The following DMD variants were observed in gnomAD, a reference collection of about 807,000 sequenced individuals.
DMD encodes the protein mutant dystrophin.
Under a neutral mutation model 330.1 loss-of-function variants are expected in DMD, and 63 were observed. That is an observed-to-expected ratio of 0.19 (90% confidence interval 0.16 to 0.24). The LOEUF is 0.24. Among genes scored for constraint, DMD ranks in the 10% least tolerant of loss-of-function variants. The pLI is 1.00. For synonymous variants in DMD, 1,223 were observed against 959.8 expected (o/e 1.27, Z -5.07); for missense variants, 3,344 against 2,684.1 (o/e 1.25, Z -5.43).
chrX:31,490,273 A>G (rs1388972782), intron 57 of DMD, among the ~76,000 whole-genome samples: 1 of 112,458 alleles, frequency 8.9e-6, no homozygotes, highest in African/African-American at 3.2e-5. Flanking sequence ...GTTAGAATGA[A>G]TCACTCTGGC....
chrX:32,966,256 T>C (rs1447947393), intron 2 of DMD, among the ~76,000 whole-genome samples: 1 of 111,925 alleles, frequency 8.9e-6, no homozygotes, highest in Non-Finnish European at 1.9e-5. Context: ...CCATCAAATA[T>C]GAGGAGCTGC....
Position 31,679,513 on chromosome X carries a change from C to T in DMD, c.7734G>A (p.Met2578Ile). The change falls in exon 53 of 79, where the codon ATG becomes ATA. Residue 2578 changes from methionine to isoleucine, a missense_variant. By Grantham distance (10) the Met-to-Ile change is conservative. Coordinates refer to ENST00000357033, the MANE Select transcript of DMD (RefSeq NM_004006.3). ...LQNRRQQLNE[M>I]LKDSTQWLEA... is the part of the protein sequence containing the mutation. ...CCAGCCATTGTGTTGAATCCTTTAACATTTCATTCAACTGTTGCCTCCGGT... is the reference window on the plus strand; with the variant it reads ...CCAGCCATTGTGTTGAATCCTTTAATATTTCATTCAACTGTTGCCTCCGGT... The T allele has an allele frequency of 1.7e-6, 2 of 1,211,561 alleles. No homozygotes were observed. The highest frequency in any genetic ancestry group is 2.2e-6 in the Non-Finnish European group (2 of 895,326).
chrX:32,409,786 ATTAGT>A (rs756133263), intron 30 of DMD, among the ~76,000 whole-genome samples: 1 of 111,486 alleles, frequency 9.0e-6, no homozygotes, highest in Non-Finnish European at 1.9e-5. Flanking sequence ...AACTCATGTC[ATTAGT>A]TTAAATGAAA....
At chrX:31,419,169 C>T (rs1309496491) in intron 60 of DMD, among the ~76,000 whole-genome samples, 1 of 106,067 alleles carries the variant, frequency 9.4e-6, no homozygotes, top group Non-Finnish European at 1.9e-5. Context: ...GTCTCAGACT[C>T]CTGGCCTCAA....
chrX:32,221,617 G>T (rs1569551665), intron 43 of DMD, among the ~76,000 whole-genome samples: 1 of 111,525 alleles, frequency 9.0e-6, no homozygotes, highest in Non-Finnish European at 1.9e-5. Flanking sequence ...TGAATGAATT[G>T]TATAGAAGTA....
intron 4 of DMD, among the ~76,000 whole-genome samples, chrX:32,835,380 T>A (rs2079525947): frequency 8.9e-6 from 1 of 112,544 alleles, no homozygotes; most frequent in African/African-American, 3.2e-5. Flanking sequence ...AATAACCACT[T>A]AGTAGCATAG....
At chrX:32,447,386 T>C (rs777281108) in intron 27 of DMD, among the ~76,000 whole-genome samples, 1 of 110,697 alleles carries the variant, frequency 9.0e-6, no homozygotes, top group African/African-American at 3.3e-5. Flanking sequence ...GTGAATTGCA[T>C]TTAAAAGAAA....
intron 41 of DMD, among the ~76,000 whole-genome samples, chrX:32,324,619 C>T (rs1264232082): frequency 2.7e-5 from 3 of 111,012 alleles, no homozygotes; most frequent in African/African-American, 9.8e-5. Flanking sequence ...TTGCTATGCC[C>T]CAAACAATTG....
intron 55 of DMD, among the ~76,000 whole-genome samples, chrX:31,531,638 C>G (rs1196263727): frequency 1.9e-5 from 2 of 105,119 alleles, no homozygotes; most frequent in African/African-American, 3.5e-5. Flanking sequence ...CCTGTTCACT[C>G]TGATGGTAGT....
intron 37 of DMD, among the ~76,000 whole-genome samples, chrX:32,360,161 AGTG>A (rs749653101): frequency 3.6e-5 from 4 of 112,060 alleles, no homozygotes; most frequent in African/African-American, 1.3e-4. Flanking sequence ...AAGATGAATT[AGTG>A]TTAAACATAT....
At position 31,207,563 on chromosome X, in the gene DMD, A is replaced by G. The variant is rs148774199; in HGVS notation, c.9564-896T>C. ...CCATGCAGCTATAAAAAAGAATGAG[A>G]TCATGTCTTTTGAACACGGATTAGC... On this transcript the variant is annotated intron_variant, in intron 65 of 78. Transcript: ENST00000357033. Among the ~76,000 whole-genome samples the G allele has an allele frequency of 9.4e-3, 1,060 of 112,231 alleles. 12 individuals are homozygous for G. The highest frequency in any genetic ancestry group is 0.012 in the Non-Finnish European group (613 of 53,245).
intron 1 of DMD, among the ~76,000 whole-genome samples, chrX:33,126,324 A>C (rs1256227173): frequency 1.8e-5 from 2 of 112,211 alleles, no homozygotes; most frequent in Non-Finnish European, 3.8e-5. Context: ...ATTAAGAACA[A>C]TTATTTTCTG....
At chrX:31,903,153 T>C (rs1001882521) in intron 47 of DMD, among the ~76,000 whole-genome samples, 22 of 112,128 alleles carry the variant, frequency 2.0e-4, no homozygotes, top group Non-Finnish European at 3.8e-4. Context: ...TTTCTTTAAC[T>C]TAAATAGCCA....
At chrX:31,715,010 T>G (rs1460762970) in intron 52 of DMD, among the ~76,000 whole-genome samples, 2 of 111,542 alleles carry the variant, frequency 1.8e-5, no homozygotes, top group Non-Finnish European at 3.8e-5. Context: ...GACAACAGGT[T>G]ACTTAGTCAA....
At chrX:32,269,881 T>A (rs1255935892) in intron 43 of DMD, among the ~76,000 whole-genome samples, 1 of 112,444 alleles carries the variant, frequency 8.9e-6, no homozygotes, top group African/African-American at 3.2e-5. Context: ...ATTCTGTAGA[T>A]TTTTCTTTCA....
intron 11 of DMD, among the ~76,000 whole-genome samples, chrX:32,641,225 C>A (rs1405902336): frequency 2.7e-5 from 3 of 110,389 alleles, no homozygotes; most frequent in Non-Finnish European, 5.7e-5. Flanking sequence ...AAACTATATT[C>A]CTATCCGGTA....
chrX:32,296,564 C>T (rs2097497427), intron 42 of DMD, among the ~76,000 whole-genome samples: 1 of 111,379 alleles, frequency 9.0e-6, no homozygotes, highest in African/African-American at 3.3e-5. Context: ...CATATACCTT[C>T]ACAAATCTAC....
chrX:31,409,491 C>T (rs1179106502), intron 60 of DMD, among the ~76,000 whole-genome samples: 1 of 112,571 alleles, frequency 8.9e-6, no homozygotes, highest in Non-Finnish European at 1.9e-5. Context: ...CCATGATTTA[C>T]TAGCCTCTCA....
At chrX:32,540,923 A>T (rs2048427181) in intron 17 of DMD, among the ~76,000 whole-genome samples, 1 of 111,444 alleles carries the variant, frequency 9.0e-6, no homozygotes, top group Non-Finnish European at 1.9e-5. Context: ...ATGTCTGGAG[A>T]GACATCAAAA....
Sources: gnomAD v4.1 joint callset for allele counts (sites outside exome capture counted in the v4.1 genomes callset) on GRCh38, gnomAD v4.1.1 for gene constraint, MANE v1.5 for transcripts, NCBI Gene and HGNC (gene_info 2026-07-23, HGNC 2026-07-21) for gene names.